Variants in TNC observed in about 807,000 individuals in gnomAD.
The protein encoded by TNC is tenascin.
In TNC, 109 loss-of-function variants were observed where a neutral mutation model predicts 202.4. The observed-to-expected ratio is 0.54, with a 90% CI of 0.46 to 0.63. The LOEUF (loss-of-function observed/expected upper bound fraction) is 0.63. TNC is among the 30% of genes least tolerant of loss of function. TNC has a pLI of 0.00. For synonymous variants in TNC, 1,007 were observed against 1,089.7 expected (o/e 0.92, Z 1.50); for missense variants, 2,756 against 2,833.3 (o/e 0.97, Z 0.62).
intron 14 of TNC, among the ~76,000 whole-genome samples, chr9:115,058,451 C>G (rs1332020433): frequency 6.6e-6 from 1 of 152,164 alleles, no homozygotes; most frequent in Non-Finnish European, 1.5e-5. Flanking sequence ...ACCCAAGCCA[C>G]AAGATCTGCA....
At chr9:115,108,062 A>G (rs997576406) in intron 1 of TNC, among the ~76,000 whole-genome samples, 1 of 152,158 alleles carries the variant, frequency 6.6e-6, no homozygotes, top group Non-Finnish European at 1.5e-5. Context: ...GGCTGTGCTC[A>G]TTGATTGTCT....
chr9:115,035,925 G>T, intron 21 of TNC, 173 bp downstream of exon 21: 1 of 725,024 alleles, frequency 1.4e-6, no homozygotes, highest in Non-Finnish European at 2.2e-6. Context: ...GAAATAGTGT[G>T]TTTCTTCAGG....
At position 115,035,319 on chromosome 9, in the gene TNC, C is replaced by G; in HGVS notation, c.5672G>C (p.Arg1891Thr). The G allele has an allele frequency of 6.2e-7, 1 of 1,612,170 alleles. No homozygotes were observed. Among genetic ancestry groups the G allele is most frequent in the Non-Finnish European group, 8.5e-7 (1 of 1,179,174 alleles). The change falls in exon 22 of 28, where the codon AGA (arginine) becomes ACA (threonine). Residue 1891 changes from arginine to threonine, a missense_variant. Arg to Thr is a moderately conservative substitution (Grantham distance 71). Transcript: ENST00000350763. Reference protein sequence around the residue: ...AKFTTDLDSPRDLTATEVQSE... With the variant: ...AKFTTDLDSPTDLTATEVQSE... The stretch of plus-strand genomic sequence containing the variant: ...CTGAACCTCAGTAGCAGTCAAGTCT[C>G]TTGGAGAATCGAGGTCTGGAGAAGA...
Position 115,063,667 on chromosome 9 carries a change from C to T in TNC, c.3760+129G>A, listed in dbSNP as rs79174492. 0.061 allele frequency: 62,782 copies of T among 1,037,256 alleles called. 2,403 individuals carry two copies. The highest frequency in any genetic ancestry group is 0.074 in the Non-Finnish European group (52,355 of 712,244). 64.3% of individuals were successfully genotyped at this position (1,037,256 alleles called of 1,614,324 possible). A position where few individuals can be genotyped will look rare whatever the true frequency, so the allele number is the denominator to read the frequency against. On this transcript the variant is annotated intron_variant, in intron 12 of 27. Transcript: ENST00000350763. ...AAGGGATGTGACATTTAGGAAGAAG[C>T]AGAGATGATTCACTGGTATTTCCCC... is the stretch of plus-strand genomic sequence containing the variant.
chr9:115,027,891 G>A (rs1173876644), intron 25 of TNC, among the ~76,000 whole-genome samples: 1 of 152,114 alleles, frequency 6.6e-6, no homozygotes, highest in Non-Finnish European at 1.5e-5. Flanking sequence ...ATCCATGCGA[G>A]GTGGTGAGGA....
At position 115,084,356 on chromosome 9, in the gene TNC, C is replaced by T. The variant is rs984293934; in HGVS notation, c.1984G>A (p.Gly662Ser). The change falls in exon 4 of 28, where the codon GGT becomes AGT. Residue 662 changes from glycine (G) to serine (S), a missense_variant. Physicochemically the swap from Gly to Ser is moderately conservative, Grantham distance 56 (BLOSUM62 0). Transcript: ENST00000350763. ...ACACGGAACTGCATTTCCAGACCAC[C>T]CTCGTGGGTGGGCGTGTACACGACA... ...YLVVYTPTHEGGLEMQFRVPG... is the reference protein window; with the variant it reads ...YLVVYTPTHESGLEMQFRVPG... 6.2e-7 allele frequency: 1 copy of T among 1,614,160 alleles called. No homozygotes were observed. Among genetic ancestry groups the T allele is most frequent in the Admixed American group, 1.7e-5 (1 of 60,016 alleles).
At chr9:115,023,839 G>T in intron 27 of TNC, 134 bp downstream of exon 27, 1 of 1,076,146 alleles carries the variant, frequency 9.3e-7, no homozygotes. Context: ...CACTGCCTTG[G>T]GAAAAACATG....
Position 115,059,932 on chromosome 9 carries a change from G to A in TNC, c.4104C>T (p.Thr1368=), listed in dbSNP as rs138026184. The A allele has an allele frequency of 3.7e-4, 592 of 1,614,016 alleles. No homozygotes were observed. Among genetic ancestry groups the A allele is most frequent in the Non-Finnish European group, 4.6e-4 (545 of 1,179,974 alleles). ...VGWDGLRLNW[T]AADNAYEHFV... is the part of the protein sequence containing the mutation. ...AGTGCTCATAGGCATTGTCAGCTGC[G>A]GTCCAGTTGAGTCTGAGGCCATCCC... The change falls in exon 14 of 28, where the codon ACC becomes ACT. Residue 1368 remains threonine (T), a synonymous_variant. Transcript: ENST00000350763.
At chr9:115,064,218 G>A (rs1354831907) in intron 11 of TNC, 150 bp from the exon 12 acceptor site, 1 of 819,190 alleles carries the variant, frequency 1.2e-6, no homozygotes, top group African/African-American at 1.7e-5. Flanking sequence ...TTAAATTTTA[G>A]AAATGGAGCA....
intron 15 of TNC, among the ~76,000 whole-genome samples, chr9:115,053,915 C>A (rs1831899026): frequency 6.6e-6 from 1 of 152,162 alleles, no homozygotes; most frequent in Non-Finnish European, 1.5e-5. Context: ...GATGGTTTCC[C>A]TGAGGTTAAG....
At chr9:115,071,898 G>C (rs888880504) in intron 10 of TNC, among the ~76,000 whole-genome samples, 1 of 151,808 alleles carries the variant, frequency 6.6e-6, no homozygotes, top group African/African-American at 2.4e-5. Context: ...TTCTATCCCC[G>C]CCCCCCACCT....
rs2274836 is a variant in TNC at position 115,084,291 on chromosome 9, C to T, written c.2049G>A (p.Glu683=). Reference sequence around the variant, plus strand: ...CACGGATAAAGTACTCCACACCAGGCTCCAGCTCCTGGATGATGGTGGACG... The same window carrying T: ...CACGGATAAAGTACTCCACACCAGGTTCCAGCTCCTGGATGATGGTGGACG... ...DQTSTIIQEL[E]PGVEYFIRVF... is the part of the protein sequence containing the mutation. The change falls in exon 4 of 28, where the codon GAG becomes GAA. Residue 683 remains glutamate (E), a synonymous_variant. Transcript: ENST00000350763. The T allele has an allele frequency of 0.46, 742,931 of 1,613,872 alleles. 172,745 individuals carry two copies. Among genetic ancestry groups the T allele is most frequent in the East Asian group, 0.59 (26,654 of 44,826 alleles).
At chr9:115,026,287 G>T (rs1175466381) in intron 26 of TNC, among the ~76,000 whole-genome samples, 1 of 152,022 alleles carries the variant, frequency 6.6e-6, no homozygotes, top group Non-Finnish European at 1.5e-5. Context: ...TTTTTTGAAA[G>T]ATGGTCATTA....
In TNC at chr9:115,057,262, T is replaced by G; in HGVS notation, c.4470A>C (p.Glu1490Asp). 1 of 1,614,170 alleles carries G rather than the reference T, an allele frequency of 6.2e-7. No individual in the cohort carries two copies. Among genetic ancestry groups the G allele is most frequent in the Non-Finnish European group, 8.5e-7 (1 of 1,180,014 alleles). Reference sequence around the variant, plus strand: ...GTAGCCCTGAGATATGGGCAGTTCGTTCAGCACCAGAGATATTATATTCCA... The same window carrying G: ...GTAGCCCTGAGATATGGGCAGTTCGGTCAGCACCAGAGATATTATATTCCA... Reference protein sequence around the residue: ...ETVEYNISGAERTAHISGLPP... With the variant: ...ETVEYNISGADRTAHISGLPP... Residue 1490 changes from glutamate to aspartate, a missense_variant, in exon 15 of 28, where the codon GAA (glutamate) becomes GAC (aspartate). Around this residue, in one of 2 missense-constraint regions of TNC, gnomAD observed 2,559 missense variants for 2,546.0 expected, o/e 1.01. Transcript: ENST00000350763.
rs760556226 is a variant in TNC, at chr9:115,081,897, C to A, written c.2279G>T (p.Ser760Ile). ...NKEDEGEITK[S>I]LRRPETSYRQ... ...GTAAGAGGTCTCTGGCCTCCTCAGG[C>A]TTTTGGTGATCTCTCCCTCATCTTC... is the stretch of plus-strand genomic sequence containing the variant. Residue 760 changes from serine to isoleucine, a missense_variant, in exon 6 of 28, where the codon AGC (serine) becomes ATC (isoleucine). Ser to Ile is a moderately radical substitution (Grantham distance 142). This residue lies in a region of TNC where 2,559 missense variants were observed against 2,546.0 expected (regional missense o/e 1.01). Transcript: ENST00000350763. 1.9e-6 allele frequency: 3 copies of A among 1,594,584 alleles called. No homozygotes were observed. Among genetic ancestry groups the A allele is most frequent in the East Asian group, 2.3e-5 (1 of 44,372 alleles).
chr9:115,059,490 G>C (rs541176684), intron 14 of TNC, among the ~76,000 whole-genome samples: 60 of 152,264 alleles, frequency 3.9e-4, no homozygotes, highest in Middle Eastern at 3.4e-3. Flanking sequence ...GCCAGGTAAA[G>C]TATGAAAGGC....
At chr9:115,111,223 G>A (rs1236615214) in intron 1 of TNC, among the ~76,000 whole-genome samples, 2 of 152,026 alleles carry the variant, frequency 1.3e-5, no homozygotes, top group Admixed American at 6.6e-5. Flanking sequence ...TGGCCCCATT[G>A]ATACTGCCTC....
chr9:115,097,084 C>A (rs1001857057), intron 1 of TNC, among the ~76,000 whole-genome samples: 2 of 152,322 alleles, frequency 1.3e-5, no homozygotes, highest in Middle Eastern at 3.4e-3. Context: ...TATCCTTCAG[C>A]CATCTAAACA....
rs1297757848 is a variant in TNC at position 115,031,614 on chromosome 9, G to A, written c.5859C>T (p.Ala1953=). Residue 1953 remains alanine (A), a synonymous_variant, in exon 23 of 28, where the codon GCC becomes GCT. Coordinates refer to ENST00000350763, the MANE Select transcript of TNC (RefSeq NM_002160.4). ...ADLSPSTHYT[A]KIQALNGPLR... ...GGGGCCCATTGAGTGCCTGGATCTT[G>A]GCTGTGTAGTGGGTGGATGGGCTCA... 1.2e-6 allele frequency: 2 copies of A among 1,612,152 alleles called. No individual in the cohort carries two copies. Among genetic ancestry groups the A allele is most frequent in the Non-Finnish European group, 1.7e-6 (2 of 1,179,124 alleles).
Sources: allele counts gnomAD v4.1 joint callset (sites outside exome capture counted in the v4.1 genomes callset), GRCh38; gene constraint gnomAD v4.1.1; regional missense constraint gnomAD v4.1.1; transcripts MANE v1.5; gene names NCBI Gene and HGNC (gene_info 2026-07-23, HGNC 2026-07-21).